DIS3L2: variants seen among roughly 807,000 people sequenced by gnomAD.
The protein encoded by DIS3L2 is DIS3 like 3'-5' exoribonuclease 2.
DIS3L2 carries 34 observed loss-of-function variants against 97.5 expected under a neutral mutation model. The ratio of observed to expected loss-of-function variants is 0.35; its 90% CI spans 0.27 to 0.46. The LOEUF (loss-of-function observed/expected upper bound fraction) is 0.46, where lower values mean the gene tolerates loss of function less well. Among genes scored for constraint, DIS3L2 ranks in the 20% least tolerant of loss-of-function variants. The pLI is 1.00. For missense variants in DIS3L2, 1,038 were observed against 1,146.0 expected, an observed-to-expected ratio of 0.91 and a Z score of 1.36; for synonymous variants, 435 against 445.2, an observed-to-expected ratio of 0.98 and a Z score of 0.29.
At chr2:232,030,803 CTTTT>C (rs1694784461) in intron 5 of DIS3L2, among the ~76,000 whole-genome samples, 1 of 151,466 alleles carries the variant, frequency 6.6e-6, no homozygotes, top group African/African-American at 2.4e-5. Context: ...TTTTATTTGG[CTTTT>C]TTGTTTTATT....
At chr2:231,976,211 A>G (rs1407351058) in intron 1 of DIS3L2, among the ~76,000 whole-genome samples, 1 of 150,800 alleles carries the variant, frequency 6.6e-6, no homozygotes, top group Non-Finnish European at 1.5e-5. Flanking sequence ...ACTCTTTTCT[A>G]TTTAACTACT....
At chr2:232,116,184 GAATA>G (rs74584053) in intron 6 of DIS3L2, among the ~76,000 whole-genome samples, 2,830 of 35,612 alleles carry the variant, frequency 0.079, 60 homozygotes, top group Admixed American at 0.14. Flanking sequence ...ATAAATAAAT[GAATA>G]AATAAATAAA....
intron 1 of DIS3L2, among the ~76,000 whole-genome samples, chr2:232,013,632 CAT>C (rs1284421964): frequency 1.3e-5 from 2 of 152,208 alleles, no homozygotes; most frequent in Non-Finnish European, 2.9e-5. Flanking sequence ...TTTAAAAAAA[CAT>C]AGTGCTTACC....
At chr2:232,326,617 C>T (rs74545162) in intron 14 of DIS3L2, among the ~76,000 whole-genome samples, 9,198 of 139,046 alleles carry the variant, frequency 0.066, 654 homozygotes, top group African/African-American at 0.15. Flanking sequence ...GCCAAGGCTG[C>T]ACCTGGGAAG....
chr2:232,069,519 C>T (rs1695950786), intron 5 of DIS3L2, among the ~76,000 whole-genome samples: 1 of 152,122 alleles, frequency 6.6e-6, no homozygotes. Flanking sequence ...AAAAATTGGC[C>T]ATATTCCTCA....
chr2:232,334,258 T>C, intron 17 of DIS3L2, 111 bp from the exon 18 acceptor site: 1 of 1,374,142 alleles, frequency 7.3e-7, no homozygotes, highest in South Asian at 1.4e-5. Flanking sequence ...AGCTGGGTGC[T>C]TGGGGTCCTA....
intron 12 of DIS3L2, among the ~76,000 whole-genome samples, chr2:232,254,831 G>T (rs1005344846): frequency 2.0e-5 from 3 of 152,190 alleles, no homozygotes; most frequent in African/African-American, 4.8e-5. Flanking sequence ...ATCCAGGAGG[G>T]GCTGTGGGCC....
Position 232,163,483 on chromosome 2 carries a change from G to A in DIS3L2, c.975G>A (p.Gln325=), listed in dbSNP as rs1574918434. 6.2e-7 allele frequency: 1 copy of A among 1,614,092 alleles called. No homozygotes were observed. Among genetic ancestry groups the A allele is most frequent in the Non-Finnish European group, 8.5e-7 (1 of 1,179,976 alleles). Residue 325 remains glutamine, a synonymous_variant, in exon 9 of 21, where the codon CAG becomes CAA. Coordinates refer to ENST00000325385, the MANE Select transcript of DIS3L2 (RefSeq NM_152383.5). ...ALGQLAKSLG[Q]AGEIEPETEG... Reference sequence around the variant, plus strand: ...GGCAGCTGGCTAAGAGTCTTGGGCAGGCTGGTGAAATTGAGCCTGAAACAG... The same window carrying A: ...GGCAGCTGGCTAAGAGTCTTGGGCAAGCTGGTGAAATTGAGCCTGAAACAG...
chr2:232,029,988 C>G lies in DIS3L2; in HGVS notation c.274C>G (p.Arg92Gly), dbSNP rs748001988. ...EAFIPSPDGD[R>G]DIFIDGVVAR... ...TCTTTTTCCAACCTAGGATGGTGAT[C>G]GAGACATTTTTATTGATGGGGTTGT... Residue 92 changes from arginine to glycine, a missense_variant, in exon 5 of 21, where the codon CGA becomes GGA. By Grantham distance (125) the Arg-to-Gly change is moderately radical. Around this residue, in one of 3 missense-constraint regions of DIS3L2, gnomAD observed 813 missense variants for 880.1 expected, o/e 0.92. Coordinates refer to ENST00000325385, the MANE Select transcript of DIS3L2 (RefSeq NM_152383.5). The G allele has an allele frequency of 1.3e-6, 2 of 1,597,906 alleles. No individual in the cohort carries two copies. The highest frequency in any genetic ancestry group is 1.7e-6 in the Non-Finnish European group (2 of 1,174,338).
intron 12 of DIS3L2, among the ~76,000 whole-genome samples, chr2:232,249,647 G>A: frequency 6.6e-6 from 1 of 152,240 alleles, no homozygotes; most frequent in Non-Finnish European, 1.5e-5. Context: ...GTGTAAGTGG[G>A]ATTGAATGAG....
At chr2:232,250,619 A>T (rs866441334) in intron 12 of DIS3L2, among the ~76,000 whole-genome samples, 1 of 152,184 alleles carries the variant, frequency 6.6e-6, no homozygotes, top group Non-Finnish European at 1.5e-5. Context: ...GTTTATTTTT[A>T]AAAATTGCCC....
intron 14 of DIS3L2, among the ~76,000 whole-genome samples, chr2:232,318,602 C>G (rs1426993059): frequency 6.6e-6 from 1 of 152,122 alleles, no homozygotes; most frequent in African/African-American, 2.4e-5. Context: ...TTGTGAGCAC[C>G]CCGCATGGGA....
At chr2:232,220,914 C>T (rs942952358) in intron 10 of DIS3L2, among the ~76,000 whole-genome samples, 1 of 151,412 alleles carries the variant, frequency 6.6e-6, no homozygotes, top group Non-Finnish European at 1.5e-5. Flanking sequence ...ACCAGCCTGG[C>T]CAACATGGAG....
Position 232,037,376 on chromosome 2 carries a change from C to T in DIS3L2, c.366+7296C>T, listed in dbSNP as rs560359912. On this transcript the variant is annotated intron_variant, in intron 5 of 20. Coordinates refer to ENST00000325385, the MANE Select transcript of DIS3L2 (RefSeq NM_152383.5). The surrounding 1 kb of genome is among the most constrained non-coding windows in gnomAD (Gnocchi z 4.6). ...CTACTTAAGCCTCCGTAATGGCAGA[C>T]GCCCCTCCCCACCAAGCTCAAGTGT... is the stretch of plus-strand genomic sequence containing the variant. Among the ~76,000 whole-genome samples, 12 of 152,252 alleles carry T rather than the reference C, an allele frequency of 7.9e-5. No homozygotes were observed. In the South Asian group the frequency reaches 1.7e-3, roughly 21 times the overall value.
At chr2:231,971,530 C>G (rs552771051) in intron 1 of DIS3L2, among the ~76,000 whole-genome samples, 22 of 152,232 alleles carry the variant, frequency 1.4e-4, no homozygotes, top group African/African-American at 5.1e-4. Context: ...TCACTGCAAG[C>G]TCCGCCTCCC....
intron 10 of DIS3L2, among the ~76,000 whole-genome samples, chr2:232,228,041 T>C (rs116635087): frequency 0.016 from 2,422 of 152,226 alleles, 21 homozygotes; most frequent in Non-Finnish European, 0.022. Flanking sequence ...TATCTTGGCT[T>C]ACGGCAACCT....
Position 232,024,331 on chromosome 2 carries a change from G to A in DIS3L2, c.264+1G>A, listed in dbSNP as rs1266710900. The A allele has an allele frequency of 6.3e-7, 1 of 1,596,224 alleles. No homozygotes were observed. The highest frequency in any genetic ancestry group is 1.3e-5 in the African/African-American group (1 of 74,208). ...TCATGAAGCCTTCATTCCTTCCCCGGTAAGTTCAATAAATTTATAATAAAC... is the reference window on the plus strand; with the variant it reads ...TCATGAAGCCTTCATTCCTTCCCCGATAAGTTCAATAAATTTATAATAAAC... On this transcript the variant is annotated splice_donor_variant, in intron 4 of 20. Coordinates refer to ENST00000325385, the MANE Select transcript of DIS3L2 (RefSeq NM_152383.5). LOFTEE classifies it high-confidence loss of function.
intron 9 of DIS3L2, among the ~76,000 whole-genome samples, chr2:232,208,476 A>G (rs1431738964): frequency 1.3e-5 from 2 of 152,024 alleles, no homozygotes; most frequent in African/African-American, 4.8e-5. Context: ...ATGCCCGGCT[A>G]ATTTTTGTAT....
chr2:232,335,730 A>C, intron 19 of DIS3L2, 43 bp from the exon 20 acceptor site: 1 of 1,543,920 alleles, frequency 6.5e-7, no homozygotes, highest in Non-Finnish European at 8.8e-7. Flanking sequence ...GGCAGGCAGC[A>C]GCATCCAGAG....
Sources: gnomAD v4.1 joint callset for allele counts (sites outside exome capture counted in the v4.1 genomes callset) on GRCh38, gnomAD v4.1.1 for gene constraint, gnomAD v4.1.1 regional missense constraint, Gnocchi (gnomAD v3.1) non-coding constraint, MANE v1.5 for transcripts, NCBI Gene and HGNC (gene_info 2026-07-23, HGNC 2026-07-21) for gene names.